PRKN: variants seen among roughly 807,000 people sequenced by gnomAD.
The protein encoded by PRKN is parkin RBR E3 ubiquitin protein ligase, also known as E3 ubiquitin-protein ligase parkin.
Under a neutral mutation model 59.5 loss-of-function variants are expected in PRKN, and 56 were observed. The ratio of observed to expected loss-of-function variants is 0.94; its 90% confidence interval spans 0.76 to 1.18. The LOEUF (loss-of-function observed/expected upper bound fraction) is 1.18, where lower values mean the gene tolerates loss of function less well. PRKN is among the 50% of genes most tolerant of loss of function. The pLI is 0.00. For synonymous variants in PRKN, 250 were observed against 222.1 expected (o/e 1.13, Z -1.12); for missense variants, 657 against 596.4 (o/e 1.10, Z -1.06).
At chr6:161,839,525 C>T (rs1182510680) in intron 6 of PRKN, among the ~76,000 whole-genome samples, 1 of 152,020 alleles carries the variant, frequency 6.6e-6, no homozygotes, top group Non-Finnish European at 1.5e-5. Flanking sequence ...CTGGCCCATT[C>T]GAGGAGGTAG....
At chr6:161,986,103 C>A (rs1185437824) in intron 5 of PRKN, among the ~76,000 whole-genome samples, 3 of 152,160 alleles carry the variant, frequency 2.0e-5, no homozygotes, top group Non-Finnish European at 4.4e-5. Flanking sequence ...AGTTACCAGC[C>A]CTTTCCATGG....
intron 6 of PRKN, among the ~76,000 whole-genome samples, chr6:161,831,275 T>G (rs577080865): frequency 1.2e-4 from 18 of 152,366 alleles, no homozygotes; most frequent in South Asian, 8.3e-4. Context: ...TATTAAGAAC[T>G]GACCTCTATC....
At chr6:162,127,351 A>G (rs1194394548) in intron 4 of PRKN, among the ~76,000 whole-genome samples, 1 of 152,244 alleles carries the variant, frequency 6.6e-6, no homozygotes, top group South Asian at 2.1e-4. Flanking sequence ...AATGCTTTTC[A>G]TTGCTGTCTA....
At chr6:161,626,737 G>A (rs146065712) in intron 7 of PRKN, among the ~76,000 whole-genome samples, 5 of 152,306 alleles carry the variant, frequency 3.3e-5, no homozygotes, top group African/African-American at 4.8e-5. Flanking sequence ...GAACCGGGCC[G>A]CTTACAGACC....
At position 161,973,414 on chromosome 6, in the gene PRKN, A is replaced by AT. The variant is rs1418871356; in HGVS notation, c.621dup (p.Phe208IlefsTer4). On this transcript the variant is annotated frameshift_variant, in exon 6 of 12. Transcript: ENST00000366898. LOFTEE classifies it high-confidence loss of function. ...GGGTGTGCTCCACATTTAAAGAAAA[A>AT]TTCCTGAAAGAAAGATAAATATGAT... The AT allele has an allele frequency of 2.5e-6, 4 of 1,591,566 alleles. No homozygotes were observed. The highest frequency in any genetic ancestry group is 3.4e-6 in the Non-Finnish European group (4 of 1,159,520).
rs550933219 is a variant in PRKN, at chr6:161,410,553, G to A, written c.1084-23676C>T. Among the ~76,000 whole-genome samples the A allele has an allele frequency of 7.9e-5, 12 of 152,148 alleles. No individual in the cohort carries two copies. Among genetic ancestry groups the A allele is most frequent in the Non-Finnish European group, 1.5e-4 (10 of 68,034 alleles). On this transcript the variant is annotated intron_variant, in intron 9 of 11. Transcript: ENST00000366898. This position sits in a 1 kb window ranked among gnomAD's most constrained non-coding sequence, Gnocchi z 5.3. ...TCCTGGCAGATACTCTAAGGAGCCCGGGTCTGAGCTGGACACACACAGCAG... is the reference window on the plus strand; with the variant it reads ...TCCTGGCAGATACTCTAAGGAGCCCAGGTCTGAGCTGGACACACACAGCAG...
chr6:161,772,104 A>ATTCAT (rs1789716308), intron 7 of PRKN, among the ~76,000 whole-genome samples: 2 of 152,174 alleles, frequency 1.3e-5, no homozygotes, highest in African/African-American at 4.8e-5. Flanking sequence ...CTCTGAATAG[A>ATTCAT]CGCCTGTGGG....
chr6:162,584,458 T>C (rs947112166), intron 1 of PRKN, among the ~76,000 whole-genome samples: 20 of 151,954 alleles, frequency 1.3e-4, no homozygotes, highest in African/African-American at 4.8e-4. Context: ...TAAAAAGAAT[T>C]TAAACATAGC....
chr6:162,242,370 A>G (rs1779020243), intron 3 of PRKN, among the ~76,000 whole-genome samples: 1 of 152,252 alleles, frequency 6.6e-6, no homozygotes, highest in East Asian at 1.9e-4. Context: ...AAACTGAGAA[A>G]GTTGCTCAGT....
intron 6 of PRKN, among the ~76,000 whole-genome samples, chr6:161,965,277 C>T (rs996697541): frequency 1.3e-5 from 2 of 151,990 alleles, no homozygotes; most frequent in African/African-American, 4.8e-5. Flanking sequence ...TTATATCAAA[C>T]AACAATGACA....
Position 162,403,978 on chromosome 6 carries a change from C to G in PRKN, c.171+39332G>C, listed in dbSNP as rs1453289692. Among the ~76,000 whole-genome samples, 3 of 152,142 alleles carry G rather than the reference C, an allele frequency of 2.0e-5. No individual in the cohort carries two copies. The East Asian group carries it at 5.8e-4, about 29-fold the overall frequency. On this transcript the variant is annotated intron_variant, in intron 2 of 11. Coordinates refer to ENST00000366898, the MANE Select transcript of PRKN (RefSeq NM_004562.3). The stretch of plus-strand genomic sequence containing the variant: ...TTTCATGGCATTAAACCGAACCATT[C>G]ACTTCATGATTTTGCCTGGTATCCC...
At chr6:162,448,025 G>A (rs1790406054) in intron 1 of PRKN, among the ~76,000 whole-genome samples, 1 of 152,108 alleles carries the variant, frequency 6.6e-6, no homozygotes, top group Non-Finnish European at 1.5e-5. Context: ...GTTTTGCTGA[G>A]AGACCCAAAG....
At chr6:161,955,950 T>C (rs1624390) in intron 6 of PRKN, among the ~76,000 whole-genome samples, 39,350 of 152,178 alleles carry the variant, frequency 0.26, 5,513 homozygotes, top group East Asian at 0.32. Context: ...ACTCTTTCAT[T>C]ATGCTTCATA....
chr6:162,071,115 C>A (rs1475733064), intron 4 of PRKN, among the ~76,000 whole-genome samples: 1 of 151,882 alleles, frequency 6.6e-6, no homozygotes, highest in Non-Finnish European at 1.5e-5. Flanking sequence ...GTCACGTTTT[C>A]ATCTGGCATT....
chr6:162,311,645 G>C (rs1782524365), intron 2 of PRKN, among the ~76,000 whole-genome samples: 1 of 151,718 alleles, frequency 6.6e-6, no homozygotes, highest in Admixed American at 6.6e-5. Context: ...ACCATGCCCA[G>C]CTAATTTTTT....
intron 1 of PRKN, among the ~76,000 whole-genome samples, chr6:162,469,351 G>C (rs1253746095): frequency 3.8e-5 from 3 of 79,052 alleles, no homozygotes; most frequent in African/African-American, 1.2e-4. Flanking sequence ...GGGGGTTGCA[G>C]GGGGGGGTGG....
chr6:161,682,142 G>A lies in PRKN; in HGVS notation c.871+103630C>T, dbSNP rs1197247958. Among the ~76,000 whole-genome samples, 3 of 152,338 alleles carry A rather than the reference G, an allele frequency of 2.0e-5. No homozygotes were observed. The East Asian group carries it at 5.8e-4, about 30-fold the overall frequency. On this transcript the variant is annotated intron_variant, in intron 7 of 11. Coordinates refer to ENST00000366898, the MANE Select transcript of PRKN (RefSeq NM_004562.3). The stretch of plus-strand genomic sequence containing the variant: ...GGAAGCCCCCATGGGAGGTGGCCAG[G>A]TGTCCACAGGGAGGGCTGCCCAATG...
At chr6:161,990,834 T>C (rs570459792) in intron 5 of PRKN, among the ~76,000 whole-genome samples, 10 of 152,272 alleles carry the variant, frequency 6.6e-5, no homozygotes, top group Admixed American at 6.5e-4. Flanking sequence ...AAAGCCTATT[T>C]AACAAAATAA....
At chr6:162,177,659 A>G (rs1395798460) in intron 4 of PRKN, among the ~76,000 whole-genome samples, 3 of 152,182 alleles carry the variant, frequency 2.0e-5, no homozygotes, top group Non-Finnish European at 2.9e-5. Flanking sequence ...AAAAAAAAAT[A>G]AAAGCAAAGC....
Sources: allele counts gnomAD v4.1 joint callset (sites outside exome capture counted in the v4.1 genomes callset), GRCh38; gene constraint gnomAD v4.1.1; non-coding constraint Gnocchi (gnomAD v3.1); transcripts MANE v1.5; gene names NCBI Gene and HGNC (gene_info 2026-07-23, HGNC 2026-07-21).